Variants in CAMK1D observed in about 807,000 individuals in gnomAD.
CAMK1D encodes the protein calcium/calmodulin dependent protein kinase ID, also known as calcium/calmodulin-dependent protein kinase type 1D.
In CAMK1D, 9 loss-of-function variants were observed where a neutral mutation model predicts 47.7. The ratio of observed to expected loss-of-function variants is 0.19; its 90% CI spans 0.11 to 0.33. The LOEUF (loss-of-function observed/expected upper bound fraction) is 0.33. CAMK1D is among the 10% of genes least tolerant of loss of function. CAMK1D has a pLI of 1.00. For synonymous variants in CAMK1D, 184 were observed against 184.9 expected, an observed-to-expected ratio of 0.99 and a Z score of 0.04; for missense variants, 291 against 488.7, an observed-to-expected ratio of 0.60 and a Z score of 3.81.
chr10:12,760,695 C>A, intron 3 of CAMK1D: 1 of 436,992 alleles, frequency 2.3e-6, no homozygotes, highest in Non-Finnish European at 4.2e-6. Context: ...AGGCAGAGGC[C>A]TGGACAGAAC....
intron 2 of CAMK1D, among the ~76,000 whole-genome samples, chr10:12,602,140 A>C (rs564028351): frequency 2.6e-5 from 4 of 152,358 alleles, no homozygotes; most frequent in Admixed American, 6.5e-5. Context: ...TGCTGCGTCT[A>C]TCTGAGGCAA....
intron 5 of CAMK1D, among the ~76,000 whole-genome samples, chr10:12,781,374 C>A (rs964031313): frequency 1.3e-5 from 2 of 152,256 alleles, no homozygotes; most frequent in African/African-American, 4.8e-5. Flanking sequence ...CCACATTGCT[C>A]TGAAATGCCT....
At chr10:12,542,629 A>G (rs1836232574) in intron 1 of CAMK1D, among the ~76,000 whole-genome samples, 1 of 152,214 alleles carries the variant, frequency 6.6e-6, no homozygotes, top group African/African-American at 2.4e-5. Flanking sequence ...AGAGTTTTGG[A>G]GCACCTAAAA....
At chr10:12,501,724 T>C (rs1233299924) in intron 1 of CAMK1D, among the ~76,000 whole-genome samples, 2 of 152,160 alleles carry the variant, frequency 1.3e-5, no homozygotes, top group Non-Finnish European at 2.9e-5. Context: ...TTCTAGTGTC[T>C]GTGGGCGGAG....
At chr10:12,801,262 T>TCC (rs879334771) in intron 6 of CAMK1D, among the ~76,000 whole-genome samples, 44 of 146,376 alleles carry the variant, frequency 3.0e-4, no homozygotes, top group African/African-American at 9.1e-4. Flanking sequence ...TCCATCCATC[T>TCC]GTCCGTCCAT....
intron 2 of CAMK1D, among the ~76,000 whole-genome samples, chr10:12,634,804 G>T (rs957749926): frequency 6.6e-6 from 1 of 152,046 alleles, no homozygotes; most frequent in Admixed American, 6.5e-5. Context: ...GCAACATCTC[G>T]GGGTTCTCCA....
intron 1 of CAMK1D, among the ~76,000 whole-genome samples, chr10:12,526,338 C>G (rs955346762): frequency 4.6e-5 from 7 of 152,208 alleles, no homozygotes; most frequent in Non-Finnish European, 2.9e-5. Context: ...GTTTAATTCT[C>G]GAAGCCATGT....
chr10:12,762,436 GACTC>G (rs1836553213), intron 4 of CAMK1D, among the ~76,000 whole-genome samples: 1 of 152,180 alleles, frequency 6.6e-6, no homozygotes, highest in African/African-American at 2.4e-5. Context: ...CTTTCATAAA[GACTC>G]ACTACCATGG....
chr10:12,690,594 G>C (rs1201761366), intron 3 of CAMK1D, among the ~76,000 whole-genome samples: 1 of 152,136 alleles, frequency 6.6e-6, no homozygotes, highest in African/African-American at 2.4e-5. Context: ...GGTAGAATTT[G>C]GCTCCTATGT....
intron 8 of CAMK1D, among the ~76,000 whole-genome samples, chr10:12,816,890 A>G (rs1411836304): frequency 1.3e-5 from 2 of 150,950 alleles, no homozygotes; most frequent in African/African-American, 2.5e-5. Context: ...AAAAAAAAAA[A>G]AAAAAAGACA....
intron 3 of CAMK1D, among the ~76,000 whole-genome samples, chr10:12,667,811 AACTTGGGATC>A (rs1244369873): frequency 6.6e-6 from 1 of 152,228 alleles, no homozygotes; most frequent in African/African-American, 2.4e-5. Flanking sequence ...ACAACACATT[AACTTGGGATC>A]ATGTTAGGAT....
intron 3 of CAMK1D, among the ~76,000 whole-genome samples, chr10:12,715,726 T>TC (rs1404622496): frequency 1.6e-5 from 2 of 125,668 alleles, no homozygotes; most frequent in African/African-American, 7.9e-5. Context: ...GCATTTGCCT[T>TC]TTTTTTTTTT....
chr10:12,373,448 A>G (rs1338488860), intron 1 of CAMK1D, among the ~76,000 whole-genome samples: 1 of 152,094 alleles, frequency 6.6e-6, no homozygotes, highest in Non-Finnish European at 1.5e-5. Flanking sequence ...CCTGGCCAAC[A>G]TGGTGAAACC....
At chr10:12,467,222 A>C (rs971818021) in intron 1 of CAMK1D, among the ~76,000 whole-genome samples, 4 of 150,864 alleles carry the variant, frequency 2.7e-5, no homozygotes, top group Non-Finnish European at 5.9e-5. Flanking sequence ...GCGCGATCTC[A>C]GTTCACTGCA....
rs765761653 is a variant in CAMK1D at position 12,760,986 on chromosome 10, A to G, written c.338A>G (p.Lys113Arg). The G allele has an allele frequency of 1.2e-5, 20 of 1,613,924 alleles. No individual in the cohort carries two copies. The highest frequency in any genetic ancestry group is 1.5e-5 in the Non-Finnish European group (18 of 1,179,990). The change falls in exon 4 of 11, where the codon AAG (lysine) becomes AGG (arginine). Residue 113 changes from lysine to arginine, a missense_variant. Coordinates refer to ENST00000619168, the MANE Select transcript of CAMK1D (RefSeq NM_153498.4). ...GGELFDRIVE[K>R]GFYTEKDAST... ...GAGCTGTTTGACCGGATAGTGGAGA[A>G]GGGGTTTTATACAGAGAAGGATGCC... is the stretch of plus-strand genomic sequence containing the variant.
rs182898329 is a variant in CAMK1D, at chr10:12,622,884, C to T, written c.225-43852C>T. On this transcript the variant is annotated intron_variant, in intron 2 of 10. Transcript: ENST00000619168. The stretch of plus-strand genomic sequence containing the variant: ...GTGTTTGAAAGAACAGGAGAGAACT[C>T]GGCCCACAACAGTCAAGGCTTGTGT... 3.1e-3 allele frequency among the ~76,000 whole-genome samples: 473 copies of T among 151,992 alleles called. 3 individuals carry two copies. Among genetic ancestry groups the T allele is most frequent in the African/African-American group, 0.011 (436 of 41,450 alleles).
intron 2 of CAMK1D, among the ~76,000 whole-genome samples, chr10:12,645,734 C>G (rs1333044823): frequency 6.6e-6 from 1 of 152,120 alleles, no homozygotes; most frequent in African/African-American, 2.4e-5. Flanking sequence ...AAATCAAGAA[C>G]GTAACAAAGG....
chr10:12,616,542 G>A (rs1276984300), intron 2 of CAMK1D, among the ~76,000 whole-genome samples: 2 of 152,014 alleles, frequency 1.3e-5, no homozygotes, highest in African/African-American at 2.4e-5. Flanking sequence ...TTTTGAGACG[G>A]AGTCTCGCTC....
chr10:12,466,330 C>T (rs942822640), intron 1 of CAMK1D, among the ~76,000 whole-genome samples: 11 of 152,248 alleles, frequency 7.2e-5, no homozygotes, highest in African/African-American at 2.6e-4. Context: ...ATGGTGTGAA[C>T]CTGGGAGGCA....
Sources: gnomAD v4.1 joint callset for allele counts (sites outside exome capture counted in the v4.1 genomes callset) on GRCh38, gnomAD v4.1.1 for gene constraint, MANE v1.5 for transcripts, NCBI Gene and HGNC (gene_info 2026-07-23, HGNC 2026-07-21) for gene names.